The following FBXL2 variants were observed in gnomAD, a reference collection of about 807,000 sequenced individuals.
The protein encoded by FBXL2 is F-box and leucine rich repeat protein 2, also known as F-box/LRR-repeat protein 2.
FBXL2 carries 38 observed loss-of-function variants against 69.2 expected under a neutral mutation model. The ratio of observed to expected loss-of-function variants is 0.55; its 90% CI spans 0.42 to 0.72. The LOEUF (loss-of-function observed/expected upper bound fraction) is 0.72. FBXL2 is among the 30% of genes least tolerant of loss of function. The pLI is 0.00. For synonymous variants in FBXL2, 192 were observed against 201.3 expected, an observed-to-expected ratio of 0.95 and a Z score of 0.39; for missense variants, 354 against 520.3, an observed-to-expected ratio of 0.68 and a Z score of 3.11.
chr3:33,336,960 T>G (rs2039633531), intron 2 of FBXL2, among the ~76,000 whole-genome samples: 1 of 151,402 alleles, frequency 6.6e-6, no homozygotes, highest in Non-Finnish European at 1.5e-5. Context: ...ATCCTAGCAC[T>G]TTGGGAGGCC....
At chr3:33,302,792 C>T (rs971986097) in intron 2 of FBXL2, among the ~76,000 whole-genome samples, 5 of 152,118 alleles carry the variant, frequency 3.3e-5, no homozygotes, top group Non-Finnish European at 7.4e-5. Flanking sequence ...CCTAATAATT[C>T]TGGGCAATAT....
At chr3:33,417,617 C>T in the FBXL2 span, among the ~76,000 whole-genome samples, 4 of 152,118 alleles carry the variant, frequency 2.6e-5, no homozygotes, top group Admixed American at 6.5e-5. Context: ...CAGATATTCA[C>T]ACATCAATCT....
At chr3:33,277,286 A>G (rs957832681), upstream of FBXL2, 3 of 395,298 alleles carry the variant, frequency 7.6e-6, no homozygotes, top group Non-Finnish European at 1.3e-5. Flanking sequence ...AGGATGGACC[A>G]GATACGAAGT....
chr3:33,415,286 A>G, the FBXL2 span, among the ~76,000 whole-genome samples: 4 of 152,348 alleles, frequency 2.6e-5, no homozygotes, highest in East Asian at 3.9e-4. Flanking sequence ...ATTTTCTTCA[A>G]TGCCTTGATG....
At chr3:33,416,787 T>C in the FBXL2 span, 1 of 1,613,668 alleles carries the variant, frequency 6.2e-7, no homozygotes, top group Non-Finnish European at 8.5e-7. Flanking sequence ...ATCTCAGGCA[T>C]ATCACCCATT....
chr3:33,393,433 T>C (rs2043844940), intron 12 of FBXL2: 1 of 1,606,370 alleles, frequency 6.2e-7, no homozygotes, highest in East Asian at 2.2e-5. Context: ...AATCATTTCT[T>C]CCAAGTAGAT....
chr3:33,396,957 A>C, intron 12 of FBXL2: 1 of 1,212,082 alleles, frequency 8.3e-7, no homozygotes, highest in East Asian at 2.4e-5. Flanking sequence ...ACACACGCCA[A>C]CCTAGCGTGG....
intron 2 of FBXL2, among the ~76,000 whole-genome samples, chr3:33,348,281 G>A (rs1559583464): frequency 6.6e-6 from 1 of 152,030 alleles, no homozygotes; most frequent in Non-Finnish European, 1.5e-5. Context: ...TGAAGAGACT[G>A]TCTTTTCTCC....
intron 2 of FBXL2, among the ~76,000 whole-genome samples, chr3:33,355,056 A>T (rs2041100131): frequency 6.6e-6 from 1 of 152,072 alleles, no homozygotes; most frequent in South Asian, 2.1e-4. Flanking sequence ...CCACCTCCTG[A>T]GTAGCTGGGA....
intron 2 of FBXL2, chr3:33,303,006 A>G (rs904707691): frequency 4.4e-6 from 2 of 455,632 alleles, no homozygotes; most frequent in African/African-American, 4.0e-5. Context: ...GGCAAGCAGT[A>G]CAGTAAAGGG....
At chr3:33,416,701 CA>C in the FBXL2 span, 1 of 1,331,418 alleles carries the variant, frequency 7.5e-7, no homozygotes, top group Non-Finnish European at 1.0e-6. Context: ...TTTTTTTAAA[CA>C]AAAACTCATT....
intron 5 of FBXL2, 175 bp from the exon 6 acceptor site, chr3:33,372,917 C>G (rs747569626): frequency 9.3e-6 from 6 of 646,328 alleles, no homozygotes; most frequent in Non-Finnish European, 1.7e-5. Flanking sequence ...TGCAGACTGT[C>G]GAGCCCCATT....
At chr3:33,279,062 A>G (rs527481092) in intron 1 of FBXL2, among the ~76,000 whole-genome samples, 35 of 152,348 alleles carry the variant, frequency 2.3e-4, no homozygotes, top group African/African-American at 8.2e-4. Context: ...ACTTTAAAAT[A>G]AAAGCATTTA....
At chr3:33,419,596 C>A in the FBXL2 span, among the ~76,000 whole-genome samples, 1 of 148,228 alleles carries the variant, frequency 6.7e-6, no homozygotes, top group African/African-American at 2.5e-5. Context: ...CCATTGCACT[C>A]CAGCCTGGGC....
intron 1 of FBXL2, among the ~76,000 whole-genome samples, chr3:33,295,838 C>A (rs1395214699): frequency 6.6e-6 from 1 of 152,212 alleles, no homozygotes; most frequent in Non-Finnish European, 1.5e-5. Context: ...CGTTGAACAT[C>A]TTTTCATGTA....
intron 2 of FBXL2, among the ~76,000 whole-genome samples, chr3:33,311,517 C>T (rs193067970): frequency 6.6e-6 from 1 of 152,054 alleles, no homozygotes; most frequent in African/African-American, 2.4e-5. Context: ...TTTTAAATGC[C>T]CTGTCTTTGG....
downstream of FBXL2, among the ~76,000 whole-genome samples, chr3:33,405,695 G>C (rs2044400233): frequency 6.6e-6 from 1 of 152,100 alleles, no homozygotes. Flanking sequence ...AGGAGTTTGA[G>C]GTTGCAGTGA....
Position 33,324,138 on chromosome 3 carries a change from AC to A in FBXL2, c.65+26414del, listed in dbSNP as rs1245953787. ...AAGTGTGTGTTCATATCCTTTGCCC[AC>A]TTTTTGATGGATTTTTTTTTTCTTG... On this transcript the variant is annotated intron_variant, in intron 2 of 14. Coordinates refer to ENST00000484457, the MANE Select transcript of FBXL2 (RefSeq NM_012157.5). 4.7e-5 allele frequency among the ~76,000 whole-genome samples: 7 copies of A among 147,594 alleles called. No homozygotes were observed. The East Asian group carries it at 1.5e-3, about 32-fold the overall frequency.
intron 1 of FBXL2, among the ~76,000 whole-genome samples, chr3:33,280,780 T>A (rs1483995757): frequency 6.6e-6 from 1 of 151,700 alleles, no homozygotes; most frequent in African/African-American, 2.4e-5. Context: ...TTAATTCATA[T>A]GGAACAAAAT....
Sources: gnomAD v4.1 joint callset for allele counts (sites outside exome capture counted in the v4.1 genomes callset) on GRCh38, gnomAD v4.1.1 for gene constraint, MANE v1.5 for transcripts, NCBI Gene and HGNC (gene_info 2026-07-23, HGNC 2026-07-21) for gene names.